Variants in ADAMTS6 observed in about 807,000 individuals in gnomAD.
The protein encoded by ADAMTS6 is ADAM metallopeptidase with thrombospondin type 1 motif 6.
Under a neutral mutation model 144.3 loss-of-function variants are expected in ADAMTS6, and 23 were observed. That is an observed-to-expected ratio of 0.16 (90% CI 0.11 to 0.23). ADAMTS6 has a LOEUF of 0.23. Ranked by LOEUF, ADAMTS6 falls within the 10% of genes least tolerant of loss-of-function variation. The pLI is 1.00. For missense variants in ADAMTS6, 999 were observed against 1,379.6 expected (o/e 0.72, Z 4.37); for synonymous variants, 444 against 457.5 (o/e 0.97, Z 0.38).
At chr5:65,172,036 C>T (rs979523819) in intron 23 of ADAMTS6, among the ~76,000 whole-genome samples, 6 of 110,174 alleles carry the variant, frequency 5.4e-5, no homozygotes, top group African/African-American at 7.4e-5. Context: ...AGGGTCAACA[C>T]ATTGAAGCCC....
intron 11 of ADAMTS6, among the ~76,000 whole-genome samples, chr5:65,290,958 G>A (rs79219921): frequency 0.017 from 2,529 of 152,228 alleles, 71 homozygotes; most frequent in African/African-American, 0.057. Context: ...TCTAGCTAAT[G>A]TAAAAATGCC....
intron 7 of ADAMTS6, among the ~76,000 whole-genome samples, chr5:65,373,314 C>T (rs1297827552): frequency 1.3e-5 from 2 of 151,518 alleles, no homozygotes; most frequent in Non-Finnish European, 2.9e-5. Context: ...TCAATGAATC[C>T]AGGAGCTGGT....
At chr5:65,476,740 C>T (rs1344281102) in intron 1 of ADAMTS6, among the ~76,000 whole-genome samples, 1 of 152,074 alleles carries the variant, frequency 6.6e-6, no homozygotes, top group East Asian at 1.9e-4. Flanking sequence ...TCCTGAGTAG[C>T]TGGGATTACA....
At chr5:65,209,317 A>T (rs1756332474) in intron 20 of ADAMTS6, among the ~76,000 whole-genome samples, 1 of 152,218 alleles carries the variant, frequency 6.6e-6, no homozygotes, top group Non-Finnish European at 1.5e-5. Flanking sequence ...AAGTATAAAT[A>T]TGTTTGGGTA....
In ADAMTS6 at chr5:65,174,717, T is replaced by C. The variant is rs112523042; in HGVS notation, c.2911-1709A>G. Among the ~76,000 whole-genome samples the C allele has an allele frequency of 1.8e-3, 280 of 152,336 alleles. 1 individual carries two copies. Among genetic ancestry groups the C allele is most frequent in the African/African-American group, 6.3e-3 (262 of 41,574 alleles). On this transcript the variant is annotated intron_variant, in intron 22 of 24. Transcript: ENST00000381055. The stretch of plus-strand genomic sequence containing the variant: ...TTGTTTTTGACCTGGCTTGGATTTC[T>C]GGATACTCTGATTTTGGTTTTGATT...
intron 7 of ADAMTS6, among the ~76,000 whole-genome samples, chr5:65,336,771 T>G (rs1442713812): frequency 3.9e-5 from 6 of 152,118 alleles, no homozygotes; most frequent in Non-Finnish European, 1.5e-5. Flanking sequence ...AAAACTTCCC[T>G]TCATTATAAC....
At chr5:65,458,549 CT>C (rs1199421321) in intron 4 of ADAMTS6, among the ~76,000 whole-genome samples, 2 of 152,122 alleles carry the variant, frequency 1.3e-5, no homozygotes, top group Admixed American at 1.3e-4. Flanking sequence ...GTGGCTGTGA[CT>C]ACAGGCAAGC....
intron 23 of ADAMTS6, among the ~76,000 whole-genome samples, chr5:65,172,572 T>G (rs1035574145): frequency 6.6e-6 from 1 of 152,204 alleles, no homozygotes; most frequent in Non-Finnish European, 1.5e-5. Flanking sequence ...ATTTCTCTTT[T>G]AATTTTAACC....
intron 7 of ADAMTS6, among the ~76,000 whole-genome samples, chr5:65,422,031 G>A (rs962479625): frequency 6.6e-6 from 1 of 152,124 alleles, no homozygotes; most frequent in Non-Finnish European, 1.5e-5. Flanking sequence ...CCCACAAAGT[G>A]GGAGAAAATA....
At chr5:65,272,680 G>A (rs1762141873) in intron 12 of ADAMTS6, among the ~76,000 whole-genome samples, 1 of 152,044 alleles carries the variant, frequency 6.6e-6, no homozygotes, top group South Asian at 2.1e-4. Context: ...AGCACTTTGG[G>A]AGGCTGAGGT....
intron 3 of ADAMTS6, among the ~76,000 whole-genome samples, chr5:65,467,827 G>T (rs1474135869): frequency 1.3e-5 from 2 of 152,092 alleles, no homozygotes; most frequent in Non-Finnish European, 2.9e-5. Context: ...GAAAGATGTG[G>T]AACTAATTTA....
chr5:65,348,145 A>G (rs1305340248), intron 7 of ADAMTS6, among the ~76,000 whole-genome samples: 1 of 152,094 alleles, frequency 6.6e-6, no homozygotes, highest in Non-Finnish European at 1.5e-5. Flanking sequence ...CTACCATAGG[A>G]TCCAGCTATC....
intron 7 of ADAMTS6, among the ~76,000 whole-genome samples, chr5:65,362,795 A>T (rs1299106645): frequency 6.6e-6 from 1 of 152,160 alleles, no homozygotes; most frequent in African/African-American, 2.4e-5. Flanking sequence ...TACAATTTTC[A>T]CTCCAGTAGA....
chr5:65,302,107 A>ATAT lies in ADAMTS6; in HGVS notation c.1224-1977_1224-1976insATA, dbSNP rs1554065953. On this transcript the variant is annotated intron_variant, in intron 9 of 24. Transcript: ENST00000381055. The stretch of plus-strand genomic sequence containing the variant: ...GCTCTGTCTCCAAAAAAAAAAAAAA[A>ATAT]ATATATATATATATATATATATGCA... 4.4e-3 allele frequency among the ~76,000 whole-genome samples: 149 copies of ATAT among 34,086 alleles called. 3 individuals are homozygous for ATAT. The highest frequency in any genetic ancestry group is 0.015 in the African/African-American group (134 of 9,044). 22.4% of individuals were successfully genotyped at this position (34,086 alleles called of 152,430 possible). A position where few individuals can be genotyped will look rare whatever the true frequency, so the allele number is the denominator to read the frequency against.
chr5:65,425,636 T>C (rs967469133), intron 7 of ADAMTS6, among the ~76,000 whole-genome samples: 1 of 152,232 alleles, frequency 6.6e-6, no homozygotes, highest in Non-Finnish European at 1.5e-5. Flanking sequence ...CTGGTCTTTC[T>C]GTCCTTGGTG....
chr5:65,292,498 A>T (rs79612212), intron 10 of ADAMTS6, among the ~76,000 whole-genome samples: 2,373 of 152,020 alleles, frequency 0.016, 58 homozygotes, highest in African/African-American at 0.055. Flanking sequence ...TCATTTATAG[A>T]TAACTAAGAA....
intron 13 of ADAMTS6, among the ~76,000 whole-genome samples, chr5:65,262,095 G>A (rs1487640159): frequency 6.6e-6 from 1 of 152,150 alleles, no homozygotes; most frequent in African/African-American, 2.4e-5. Context: ...GGACAAGAAA[G>A]TACAACTAGA....
At chr5:65,152,961 A>G (rs1379294474) in intron 24 of ADAMTS6, among the ~76,000 whole-genome samples, 1 of 152,186 alleles carries the variant, frequency 6.6e-6, no homozygotes, top group African/African-American at 2.4e-5. Flanking sequence ...GTTGAAGGTA[A>G]TTAGGAATCA....
At chr5:65,477,758 C>T (rs936127728) in intron 1 of ADAMTS6, among the ~76,000 whole-genome samples, 3 of 144,464 alleles carry the variant, frequency 2.1e-5, no homozygotes, top group African/African-American at 8.7e-5. Context: ...TTGCTCCCTC[C>T]CCACATTTTT....
Sources: gnomAD v4.1 joint callset for allele counts (sites outside exome capture counted in the v4.1 genomes callset) on GRCh38, gnomAD v4.1.1 for gene constraint, MANE v1.5 for transcripts, NCBI Gene and HGNC (gene_info 2026-07-23, HGNC 2026-07-21) for gene names.